LRP1B: variants seen among roughly 807,000 people sequenced by gnomAD.
LRP1B encodes the protein LDL receptor related protein 1B, also known as low-density lipoprotein receptor-related protein 1B.
LRP1B carries 217 observed loss-of-function variants against 556.6 expected under a neutral mutation model. The observed-to-expected ratio is 0.39, with a 90% CI of 0.35 to 0.44. LRP1B has a LOEUF of 0.44. Among genes scored for constraint, LRP1B ranks in the 20% least tolerant of loss-of-function variants. LRP1B has a pLI of 1.00. For missense variants in LRP1B, 5,053 were observed against 5,620.8 expected (o/e 0.90, Z 3.23); for synonymous variants, 2,047 against 1,865.8 (o/e 1.10, Z -2.50).
At position 141,110,448 on chromosome 2, in the gene LRP1B, T is replaced by A. The variant is rs141104190; in HGVS notation, c.1014-48175A>T. Reference sequence around the variant, plus strand: ...GACAGATTAACAAGAGAAGGAAAAGTTTGCTCATATGCGTATGAGGTCTAC... The same window carrying A: ...GACAGATTAACAAGAGAAGGAAAAGATTGCTCATATGCGTATGAGGTCTAC... On this transcript the variant is annotated intron_variant, in intron 7 of 90. Coordinates refer to ENST00000389484, the MANE Select transcript of LRP1B (RefSeq NM_018557.3). Among the ~76,000 whole-genome samples, 200 of 152,182 alleles carry A rather than the reference T, an allele frequency of 1.3e-3. 6 individuals are homozygous for A. The East Asian group carries it at 0.035, about 27-fold the overall frequency.
At chr2:140,582,223 T>C (rs141076551) in intron 43 of LRP1B, among the ~76,000 whole-genome samples, 2 of 152,302 alleles carry the variant, frequency 1.3e-5, no homozygotes, top group Admixed American at 6.5e-5. Context: ...ATTTTCACTA[T>C]GCAAATTGTG....
intron 41 of LRP1B, among the ~76,000 whole-genome samples, chr2:140,619,516 A>G (rs972128988): frequency 3.9e-5 from 6 of 152,202 alleles, no homozygotes; most frequent in Non-Finnish European, 2.9e-5. Context: ...ATGTCTTGTG[A>G]ATAAACTGAA....
intron 3 of LRP1B, among the ~76,000 whole-genome samples, chr2:141,471,281 T>TTTTTTTTTTTTG (rs1559089439): frequency 1.1e-4 from 9 of 81,778 alleles, no homozygotes; most frequent in South Asian, 2.9e-4. Flanking sequence ...TTTTTTTTTT[T>TTTTTTTTTTTTG]TTTTTTTTTT....
intron 1 of LRP1B, among the ~76,000 whole-genome samples, chr2:141,986,511 T>A (rs944575773): frequency 3.3e-5 from 5 of 151,930 alleles, no homozygotes; most frequent in Admixed American, 3.3e-4. Flanking sequence ...CATTTTTCTT[T>A]AGTTTATAAT....
chr2:140,874,929 G>C (rs554158040), intron 25 of LRP1B, among the ~76,000 whole-genome samples: 1 of 151,792 alleles, frequency 6.6e-6, no homozygotes, highest in East Asian at 2.0e-4. Context: ...TGAGGCGGGA[G>C]AATTGCTTGA....
intron 11 of LRP1B, among the ~76,000 whole-genome samples, chr2:141,021,776 T>G (rs910075876): frequency 2.0e-4 from 30 of 151,966 alleles, no homozygotes; most frequent in African/African-American, 7.0e-4. Context: ...TTTCTGACAC[T>G]TGGGTAAGCA....
chr2:141,422,131 C>T (rs929878510), intron 3 of LRP1B, among the ~76,000 whole-genome samples: 1 of 152,126 alleles, frequency 6.6e-6, no homozygotes. Flanking sequence ...TTTTCATCTA[C>T]AAAATAAAGA....
At chr2:142,126,322 G>T (rs1313778877) in intron 1 of LRP1B, among the ~76,000 whole-genome samples, 5 of 151,106 alleles carry the variant, frequency 3.3e-5, no homozygotes, top group African/African-American at 1.2e-4. Flanking sequence ...AAAAGCAAAA[G>T]TTTCATTCAT....
intron 41 of LRP1B, among the ~76,000 whole-genome samples, chr2:140,669,143 G>A (rs1286895544): frequency 6.6e-6 from 1 of 152,132 alleles, no homozygotes; most frequent in Admixed American, 6.5e-5. Flanking sequence ...TCATTCATAA[G>A]CCACGGACAT....
intron 32 of LRP1B, among the ~76,000 whole-genome samples, chr2:140,776,974 T>C (rs1047088017): frequency 3.3e-5 from 5 of 152,208 alleles, no homozygotes; most frequent in African/African-American, 9.6e-5. Context: ...TGAGACTCTA[T>C]GAAGATTAAG....
chr2:142,057,610 C>A (rs986015585), intron 1 of LRP1B, among the ~76,000 whole-genome samples: 2 of 152,048 alleles, frequency 1.3e-5, no homozygotes, highest in African/African-American at 4.8e-5. Context: ...ACCCCTAGTA[C>A]GCTCACACAC....
chr2:140,979,133 T>A (rs903345373), intron 18 of LRP1B, among the ~76,000 whole-genome samples: 1 of 151,966 alleles, frequency 6.6e-6, no homozygotes, highest in African/African-American at 2.4e-5. Context: ...GCATGTGCCA[T>A]CACACCGGCT....
chr2:141,091,221 A>G (rs570754917), intron 7 of LRP1B, among the ~76,000 whole-genome samples: 1 of 152,266 alleles, frequency 6.6e-6, no homozygotes, highest in Admixed American at 6.5e-5. Context: ...GGCCATTTGA[A>G]GGACTTTGGC....
intron 2 of LRP1B, among the ~76,000 whole-genome samples, chr2:141,512,474 G>C (rs141986846): frequency 6.6e-6 from 1 of 152,210 alleles, no homozygotes; most frequent in East Asian, 1.9e-4. Flanking sequence ...TTCTGTCTCA[G>C]TGTCAAAAAA....
chr2:141,477,298 G>GA (rs370141220), intron 3 of LRP1B, among the ~76,000 whole-genome samples: 3,258 of 142,152 alleles, frequency 0.023, 68 homozygotes, highest in East Asian at 0.097. Flanking sequence ...AATTGTTCTG[G>GA]AAAAAAAAAA....
Position 140,598,699 on chromosome 2 carries a change from T to G in LRP1B, c.7126A>C (p.Lys2376Gln). The G allele has an allele frequency of 6.2e-7, 1 of 1,613,822 alleles. No individual in the cohort carries two copies. The highest frequency in any genetic ancestry group is 8.5e-7 in the Non-Finnish European group (1 of 1,179,818). The change falls in exon 43 of 91, where the codon AAG becomes CAG. Residue 2376 changes from lysine to glutamine, a missense_variant. Physicochemically the swap from Lys to Gln is moderately conservative, Grantham distance 53. Transcript: ENST00000389484. ...NGLTIDYRAE[K>Q]LYFSDGSLGK... ...AGACTGCCATCTGAGAAATACAGCT[T>G]CTCTGCACGGTAGTCGATAGTAAGT...
At chr2:140,551,272 G>A (rs901881334) in intron 43 of LRP1B, among the ~76,000 whole-genome samples, 1 of 152,282 alleles carries the variant, frequency 6.6e-6, no homozygotes, top group African/African-American at 2.4e-5. Context: ...CTATGAGAGT[G>A]TAAAAATAAT....
At chr2:141,173,068 A>G (rs63386361) in intron 7 of LRP1B, among the ~76,000 whole-genome samples, 1 of 144,738 alleles carries the variant, frequency 6.9e-6, no homozygotes, top group Non-Finnish European at 1.5e-5. Flanking sequence ...AAAAAAAAAA[A>G]CCCACACACT....
At chr2:141,996,618 A>G (rs115203876) in intron 1 of LRP1B, among the ~76,000 whole-genome samples, 59 of 152,322 alleles carry the variant, frequency 3.9e-4, no homozygotes, top group African/African-American at 1.4e-3. Flanking sequence ...ACAAGGAAGA[A>G]CTATGACATA....
Sources: allele counts gnomAD v4.1 joint callset (sites outside exome capture counted in the v4.1 genomes callset), GRCh38; gene constraint gnomAD v4.1.1; transcripts MANE v1.5; gene names NCBI Gene and HGNC (gene_info 2026-07-23, HGNC 2026-07-21).